HAP1: variants seen among roughly 807,000 people sequenced by gnomAD.
HAP1 encodes the protein huntingtin-associated protein 1.
In HAP1, 59 loss-of-function variants were observed where a neutral mutation model predicts 60.3. That is an observed-to-expected ratio of 0.98 (90% CI 0.79 to 1.22). HAP1 has a LOEUF of 1.22. Among genes scored for constraint, HAP1 ranks in the 50% most tolerant of loss-of-function variants. HAP1 has a pLI of 0.00. For synonymous variants in HAP1, 346 were observed against 330.6 expected (o/e 1.05, Z -0.50); for missense variants, 825 against 785.3 (o/e 1.05, Z -0.60).
rs1555588289 is a variant in HAP1, at chr17:41,724,882, A to C, written c.1679T>G (p.Leu560Arg). ...ATRMNVVTSA[L>R]EASGLGPSHL... is the part of the protein sequence containing the mutation. ...TGAAGGGCCCAAGCCGCTGGCCTCC[A>C]GGGCTGATGTCACCACGTTCATCCG... The change falls in exon 11 of 11, where the codon CTG becomes CGG. Residue 560 changes from leucine to arginine, a missense_variant. Coordinates refer to ENST00000347901, the MANE Select transcript of HAP1 (RefSeq NM_177977.3). The C allele has an allele frequency of 6.2e-6, 10 of 1,613,774 alleles. No homozygotes were observed. The South Asian group carries it at 1.1e-4, about 18-fold the overall frequency.
At chr17:41,729,581 G>GAAAAAAAAAAA (rs1555590019) in intron 6 of HAP1, among the ~76,000 whole-genome samples, 19 of 90,342 alleles carry the variant, frequency 2.1e-4, no homozygotes, top group Non-Finnish European at 3.1e-4. Flanking sequence ...AAAAAAAAAG[G>GAAAAAAAAAAA]AAATGCGGTC....
intron 1 of HAP1, among the ~76,000 whole-genome samples, chr17:41,733,165 C>T (rs1359729746): frequency 6.8e-6 from 1 of 147,866 alleles, no homozygotes; most frequent in Non-Finnish European, 1.5e-5. Context: ...AATTCTCCTG[C>T]CTCAACCTCC....
chr17:41,729,587 C>T (rs1418891038), intron 6 of HAP1, among the ~76,000 whole-genome samples: 9 of 100,672 alleles, frequency 8.9e-5, no homozygotes, highest in Admixed American at 2.9e-4. Flanking sequence ...AAAGGAAATG[C>T]GGTCTTGGCC....
chr17:41,720,097 G>C (rs2143159318), downstream of HAP1, among the ~76,000 whole-genome samples: 1 of 151,928 alleles, frequency 6.6e-6, no homozygotes, highest in East Asian at 1.9e-4. Flanking sequence ...CACCGTGTTA[G>C]CCAGGATGGT....
chr17:41,719,832 G>A (rs1911126229), downstream of HAP1, among the ~76,000 whole-genome samples: 1 of 151,334 alleles, frequency 6.6e-6, no homozygotes, highest in Admixed American at 6.6e-5. Flanking sequence ...AATAAAATAA[G>A]TCCAAATTAT....
At position 41,724,693 on chromosome 17, in the gene HAP1, C is replaced by T. The variant is rs1567778936; in HGVS notation, c.*8G>A. ...TGAGCACTCGGGGAGCTTATCCACC[C>T]TCTCTTTTCATCGGCACGACGATCT... On this transcript the variant is annotated 3_prime_UTR_variant, in exon 11 of 11. Coordinates refer to ENST00000347901, the MANE Select transcript of HAP1 (RefSeq NM_177977.3). 1 of 1,579,156 alleles carries T rather than the reference C, an allele frequency of 6.3e-7. No homozygotes were observed. Among genetic ancestry groups the T allele is most frequent in the African/African-American group, 1.3e-5 (1 of 74,358 alleles).
chr17:41,725,229 C>A, intron 10 of HAP1, 75 bp from the exon 11 acceptor site: 1 of 1,259,602 alleles, frequency 7.9e-7, no homozygotes, highest in South Asian at 1.4e-5. Flanking sequence ...CCCGTCTCCA[C>A]ACAGATCCTG....
intron 10 of HAP1, among the ~76,000 whole-genome samples, 175 bp downstream of exon 10, chr17:41,725,684 G>C (rs1002697666): frequency 1.8e-4 from 27 of 152,182 alleles, no homozygotes; most frequent in African/African-American, 6.5e-4. Flanking sequence ...GGCCACCCAG[G>C]GGGCAAGATT....
rs782083999 is a variant in HAP1, at chr17:41,734,375, G to A, written c.260C>T (p.Ser87Leu). ...AGACCGGACATCCCCTTGGATGGCC[G>A]AGAATGCGGACGGGCGCCGGGCTCC... ...KAGARRPSAF[S>L]AIQGDVRSMP... is the part of the protein sequence containing the mutation. The change falls in exon 1 of 11, where the codon TCG (serine) becomes TTG (leucine). Residue 87 changes from serine (S) to leucine (L), a missense_variant. Transcript: ENST00000347901. The A allele has an allele frequency of 2.5e-6, 4 of 1,606,576 alleles. No individual in the cohort carries two copies. The highest frequency in any genetic ancestry group is 1.1e-5 in the South Asian group (1 of 90,902).
rs116457947 is a variant in HAP1 at position 41,725,962 on chromosome 17, G to C, written c.1368-65C>G. ...GCCGAAACTGCAGTCCCTGGGGCTT[G>C]GTCAAGCTGAAGAACCTTAGGTAGT... On this transcript the variant is annotated intron_variant, in intron 9 of 10. Coordinates refer to ENST00000347901, the MANE Select transcript of HAP1 (RefSeq NM_177977.3). 4,257 of 1,239,886 alleles carry C rather than the reference G, an allele frequency of 3.4e-3. 99 individuals carry two copies. The African/African-American group carries it at 0.053, about 16-fold the overall frequency. 76.8% of individuals were successfully genotyped at this position (1,239,886 alleles called of 1,614,324 possible). A position where few individuals can be genotyped will look rare whatever the true frequency, so the allele number is the denominator to read the frequency against.
Position 41,724,598 on chromosome 17 carries a change from A to G in HAP1, c.*103T>C. 4 of 788,094 alleles carry G rather than the reference A, an allele frequency of 5.1e-6. No individual in the cohort carries two copies. The highest frequency in any genetic ancestry group is 6.3e-6 in the Non-Finnish European group (3 of 476,670). 48.8% of individuals were successfully genotyped at this position (788,094 alleles called of 1,614,324 possible). A position where few individuals can be genotyped will look rare whatever the true frequency, so the allele number is the denominator to read the frequency against. Reference sequence around the variant, plus strand: ...TACGGTTCCCACTGAAGGGGATCAGAGGTGTCTATGCAAATGATATGCAAA... The same window carrying G: ...TACGGTTCCCACTGAAGGGGATCAGGGGTGTCTATGCAAATGATATGCAAA... On this transcript the variant is annotated 3_prime_UTR_variant, in exon 11 of 11. Coordinates refer to ENST00000347901, the MANE Select transcript of HAP1 (RefSeq NM_177977.3).
intron 8 of HAP1, 112 bp from the exon 9 acceptor site, chr17:41,727,256 G>A: frequency 2.5e-6 from 2 of 790,966 alleles, no homozygotes; most frequent in East Asian, 2.4e-5. Context: ...TGAGACACAG[G>A]CACAGACGTA....
chr17:41,726,008 G>A lies in HAP1; in HGVS notation c.1368-111C>T, dbSNP rs191895050. 882 of 807,182 alleles carry A rather than the reference G, an allele frequency of 1.1e-3. 8 individuals are homozygous for A. In the African/African-American group the frequency reaches 0.014, roughly 12 times the overall value. The allele number at this position is 807,182 out of a possible 1,614,324, so 50.0% of individuals were successfully genotyped here. ...GTAGTGGCCATGAGCAGTGGCTCAC[G>A]CCTGTAATCCCAGCACTTTGGGAGG... is the stretch of plus-strand genomic sequence containing the variant. On this transcript the variant is annotated intron_variant, in intron 9 of 10. Transcript: ENST00000347901.
chr17:41,727,177 C>T (rs782468634), intron 8 of HAP1, 33 bp from the exon 9 acceptor site: 1 of 1,175,722 alleles, frequency 8.5e-7, no homozygotes, highest in Non-Finnish European at 1.3e-6. Context: ...TACCAGAGGA[C>T]CCCCACAGAA....
chr17:41,717,772 G>T (rs1351487383), downstream of HAP1: 8 of 273,804 alleles, frequency 2.9e-5, no homozygotes, highest in African/African-American at 1.7e-4. Context: ...TCTGCCTCTC[G>T]GGCAAAACAG....
intron 6 of HAP1, 104 bp downstream of exon 6, chr17:41,731,389 G>C (rs1912175269): frequency 2.5e-6 from 2 of 811,458 alleles, no homozygotes; most frequent in East Asian, 4.8e-5. Context: ...ACAGCTAGGA[G>C]TGCCAGATCT....
At chr17:41,719,160 A>G (rs1474498408), downstream of HAP1, among the ~76,000 whole-genome samples, 1 of 151,890 alleles carries the variant, frequency 6.6e-6, no homozygotes, top group Non-Finnish European at 1.5e-5. Context: ...TGTACTTTTT[A>G]GTAGAGGTGG....
At chr17:41,729,938 C>T (rs1912012047) in intron 6 of HAP1, among the ~76,000 whole-genome samples, 1 of 137,192 alleles carries the variant, frequency 7.3e-6, no homozygotes, top group South Asian at 2.5e-4. Context: ...ACTCAGGAAG[C>T]TGAGGCAGGA....
intron 9 of HAP1, among the ~76,000 whole-genome samples, chr17:41,726,215 C>T (rs1555588776): frequency 1.3e-5 from 2 of 152,128 alleles, no homozygotes; most frequent in Admixed American, 6.6e-5. Flanking sequence ...GAGTTCAAGA[C>T]TAGCCTGGCC....
Sources: allele counts gnomAD v4.1 joint callset (sites outside exome capture counted in the v4.1 genomes callset), GRCh38; gene constraint gnomAD v4.1.1; transcripts MANE v1.5; gene names NCBI Gene and HGNC (gene_info 2026-07-23, HGNC 2026-07-21).